Variants in TRDN observed in about 807,000 individuals in gnomAD.
TRDN encodes triadin.
A neutral mutation model predicts 149.7 loss-of-function variants in TRDN; 161 were observed. That is an observed-to-expected ratio of 1.08 (90% CI 0.95 to 1.23). TRDN has a LOEUF of 1.23. Among genes scored for constraint, TRDN ranks in the 50% most tolerant of loss-of-function variants. The pLI, the probability that TRDN is intolerant of heterozygous loss-of-function variation, is 0.00. For synonymous variants in TRDN, 294 were observed against 250.5 expected (o/e 1.17, Z -1.64); for missense variants, 896 against 823.5 (o/e 1.09, Z -1.08).
intron 22 of TRDN, among the ~76,000 whole-genome samples, chr6:123,333,501 C>T (rs1395177127): frequency 6.6e-6 from 1 of 152,056 alleles, no homozygotes; most frequent in Non-Finnish European, 1.5e-5. Context: ...TCCAAGTTTG[C>T]TACTGGCAAG....
chr6:123,542,133 G>A (rs1341427938), intron 4 of TRDN, among the ~76,000 whole-genome samples: 1 of 152,130 alleles, frequency 6.6e-6, no homozygotes, highest in Admixed American at 6.5e-5. Flanking sequence ...ACTATAGGGG[G>A]AATTGTAATT....
rs531691073 is a variant in TRDN, at chr6:123,635,963, A to G, written c.22+791T>C. Among the ~76,000 whole-genome samples the G allele has an allele frequency of 3.9e-5, 6 of 152,086 alleles. No individual in the cohort carries two copies. The South Asian group carries it at 1.2e-3, about 31-fold the overall frequency. ...AACTAGCAACCATCAAATAGAAGAT[A>G]TGTATTATAGTATGTAGCTTTCAGT... On this transcript the variant is annotated intron_variant, in intron 1 of 40. Transcript: ENST00000334268.
At chr6:123,219,533 G>A (rs2114494312) in intron 40 of TRDN, among the ~76,000 whole-genome samples, 1 of 151,884 alleles carries the variant, frequency 6.6e-6, no homozygotes, top group African/African-American at 2.4e-5. Flanking sequence ...GTGTGTGGGA[G>A]ATAAAGAAGA....
intron 12 of TRDN, among the ~76,000 whole-genome samples, chr6:123,416,793 C>T (rs1385961286): frequency 6.6e-6 from 1 of 151,896 alleles, no homozygotes; most frequent in Non-Finnish European, 1.5e-5. Context: ...CCTCCGTCTC[C>T]CGGGTCCAAG....
At chr6:123,589,115 T>C (rs1354859560) in intron 1 of TRDN, among the ~76,000 whole-genome samples, 3 of 152,206 alleles carry the variant, frequency 2.0e-5, no homozygotes, top group Non-Finnish European at 4.4e-5. Context: ...CCAGGAAGTC[T>C]CATGCAGTAA....
chr6:123,499,922 C>T, intron 8 of TRDN, among the ~76,000 whole-genome samples: 1 of 150,640 alleles, frequency 6.6e-6, no homozygotes, highest in Non-Finnish European at 1.5e-5. Flanking sequence ...AGGTTATATG[C>T]AAATATTAGT....
At chr6:123,333,289 G>T (rs982363291) in intron 22 of TRDN, among the ~76,000 whole-genome samples, 51 of 151,994 alleles carry the variant, frequency 3.4e-4, no homozygotes, top group African/African-American at 1.2e-3. Flanking sequence ...ATCTAAATGG[G>T]TGAGTGTGTA....
intron 38 of TRDN, among the ~76,000 whole-genome samples, chr6:123,246,530 CA>C (rs1385722683): frequency 6.6e-6 from 1 of 151,656 alleles, no homozygotes; most frequent in Non-Finnish European, 1.5e-5. Flanking sequence ...AAGACCAAAC[CA>C]GGAAGAAGTC....
chr6:123,363,574 A>T (rs1438950742), intron 20 of TRDN, among the ~76,000 whole-genome samples: 1 of 152,192 alleles, frequency 6.6e-6, no homozygotes, highest in Non-Finnish European at 1.5e-5. Flanking sequence ...AAAGTAGTTG[A>T]TGTCAATAAT....
At chr6:123,312,631 T>G (rs563960783) in intron 24 of TRDN, among the ~76,000 whole-genome samples, 1 of 151,814 alleles carries the variant, frequency 6.6e-6, no homozygotes, top group East Asian at 1.9e-4. Flanking sequence ...TGCATGGGGG[T>G]TAATGAACCT....
chr6:123,267,691 A>C lies in TRDN; in HGVS notation c.1783+16T>G, dbSNP rs1253043722. On this transcript the variant is annotated intron_variant, in intron 32 of 40. Coordinates refer to ENST00000334268, the MANE Select transcript of TRDN (RefSeq NM_006073.4). ...GTGAACATAAGACAGAATATAAACC[A>C]AAAATGGTAAAATACCTGTTTTTAT... 1 of 1,548,616 alleles carries C rather than the reference A, an allele frequency of 6.5e-7. No homozygotes were observed. Among genetic ancestry groups the C allele is most frequent in the South Asian group, 1.2e-5 (1 of 81,630 alleles).
intron 12 of TRDN, among the ~76,000 whole-genome samples, chr6:123,400,355 A>T (rs1772915008): frequency 6.6e-6 from 1 of 151,802 alleles, no homozygotes; most frequent in Non-Finnish European, 1.5e-5. Flanking sequence ...GGTTTTGTGG[A>T]AGACAGTTTA....
At chr6:123,278,019 A>T (rs1173084895) in intron 26 of TRDN, among the ~76,000 whole-genome samples, 1 of 152,184 alleles carries the variant, frequency 6.6e-6, no homozygotes, top group Non-Finnish European at 1.5e-5. Flanking sequence ...TGTTTTGCTG[A>T]TTGAATGTCT....
chr6:123,373,126 A>ATGGT (rs1781382364), intron 19 of TRDN, among the ~76,000 whole-genome samples: 1 of 152,120 alleles, frequency 6.6e-6, no homozygotes. Context: ...ACTCTATGAT[A>ATGGT]TGGTTTGGCT....
intron 12 of TRDN, among the ~76,000 whole-genome samples, chr6:123,397,350 T>C (rs1275614888): frequency 6.6e-6 from 1 of 152,084 alleles, no homozygotes; most frequent in Admixed American, 6.6e-5. Context: ...CCCACTGACC[T>C]CCACAGTACA....
chr6:123,382,225 A>G, intron 14 of TRDN, 78 bp from the exon 15 acceptor site: 1 of 946,242 alleles, frequency 1.1e-6, no homozygotes, highest in South Asian at 2.0e-5. Flanking sequence ...AAATTTCTAT[A>G]AACAATCAAA....
chr6:123,384,071 T>A (rs1781818014), intron 14 of TRDN, among the ~76,000 whole-genome samples: 1 of 152,168 alleles, frequency 6.6e-6, no homozygotes, highest in South Asian at 2.1e-4. Flanking sequence ...GTAGGCTACA[T>A]TTGCTATCTG....
intron 14 of TRDN, among the ~76,000 whole-genome samples, chr6:123,386,788 C>T (rs928122812): frequency 6.6e-6 from 1 of 152,180 alleles, no homozygotes; most frequent in African/African-American, 2.4e-5. Flanking sequence ...TATCTGGCCC[C>T]TTTTGTTTGG....
At chr6:123,405,830 T>A (rs1773171444) in intron 12 of TRDN, among the ~76,000 whole-genome samples, 1 of 152,142 alleles carries the variant, frequency 6.6e-6, no homozygotes, top group African/African-American at 2.4e-5. Context: ...GGGTACCTAA[T>A]CCAATACTTC....
Sources: gnomAD v4.1 joint callset for allele counts (sites outside exome capture counted in the v4.1 genomes callset) on GRCh38, gnomAD v4.1.1 for gene constraint, MANE v1.5 for transcripts, NCBI Gene and HGNC (gene_info 2026-07-23, HGNC 2026-07-21) for gene names.